Variants in CUBN observed in about 807,000 individuals in gnomAD.
CUBN encodes 460 kDa receptor.
Under a neutral mutation model 405.3 loss-of-function variants are expected in CUBN, and 282 were observed. The observed-to-expected ratio is 0.70, with a 90% confidence interval of 0.63 to 0.77. The LOEUF is 0.77. Among genes scored for constraint, CUBN ranks in the 30% least tolerant of loss-of-function variants. The pLI, the probability that CUBN is intolerant of heterozygous loss-of-function variation, is 0.00. For missense variants in CUBN, 4,514 were observed against 4,475.2 expected, an observed-to-expected ratio of 1.01 and a Z score of -0.25; for synonymous variants, 1,684 against 1,617.0, an observed-to-expected ratio of 1.04 and a Z score of -0.99.
At chr10:16,983,116 C>A (rs937345676) in intron 30 of CUBN, among the ~76,000 whole-genome samples, 1 of 152,062 alleles carries the variant, frequency 6.6e-6, no homozygotes, top group Non-Finnish European at 1.5e-5. Flanking sequence ...TTTAAAATTC[C>A]TTTGATGTTA....
rs76319705 is a variant in CUBN at position 17,117,997 on chromosome 10, C to T, written c.594-2400G>A. 5.4e-3 allele frequency among the ~76,000 whole-genome samples: 819 copies of T among 152,294 alleles called. 11 individuals carry two copies. Among genetic ancestry groups the T allele is most frequent in the African/African-American group, 0.019 (790 of 41,566 alleles). On this transcript the variant is annotated intron_variant, in intron 6 of 66. Coordinates refer to ENST00000377833, the MANE Select transcript of CUBN (RefSeq NM_001081.4). ...ATTGTCTTTATTTTATCACTAAGTG[C>T]TTAACTATTGCAAAATGACATAAGA...
At chr10:17,033,890 T>C (rs1407691043) in intron 27 of CUBN, among the ~76,000 whole-genome samples, 1 of 152,216 alleles carries the variant, frequency 6.6e-6, no homozygotes, top group Non-Finnish European at 1.5e-5. Context: ...TCGTGGTATA[T>C]GGAAAATGTT....
chr10:17,071,130 A>G (rs1465014779), intron 19 of CUBN, among the ~76,000 whole-genome samples: 1 of 152,208 alleles, frequency 6.6e-6, no homozygotes, highest in African/African-American at 2.4e-5. Context: ...TGAGGTGATC[A>G]TGGAGTTTTT....
intron 29 of CUBN, among the ~76,000 whole-genome samples, chr10:16,984,712 G>C (rs752071619): frequency 6.6e-6 from 1 of 152,188 alleles, no homozygotes; most frequent in African/African-American, 2.4e-5. Flanking sequence ...TGGCACATAT[G>C]ATTAGTCTTA....
Position 16,824,910 on chromosome 10 carries a change from A to C in CUBN, c.*65T>G. The C allele has an allele frequency of 9.0e-7, 1 of 1,111,982 alleles. No homozygotes were observed. The highest frequency in any genetic ancestry group is 1.4e-6 in the Non-Finnish European group (1 of 726,706). 68.9% of individuals were successfully genotyped at this position (1,111,982 alleles called of 1,614,324 possible). On this transcript the variant is annotated 3_prime_UTR_variant, in exon 67 of 67. Coordinates refer to ENST00000377833, the MANE Select transcript of CUBN (RefSeq NM_001081.4). Reference sequence around the variant, plus strand: ...GCATCAGCAGGGGTCATGTATCAGGATGGCAGAGTGCTGTCCAGCGTGCTG... The same window carrying C: ...GCATCAGCAGGGGTCATGTATCAGGCTGGCAGAGTGCTGTCCAGCGTGCTG...
intron 52 of CUBN, 36 bp from the exon 53 acceptor site, chr10:16,900,886 T>C (rs1447593277): frequency 1.5e-6 from 2 of 1,377,230 alleles, no homozygotes; most frequent in Non-Finnish European, 2.1e-6. Flanking sequence ...GTCAGTGAGC[T>C]TTTATCAACT....
At chr10:16,936,879 G>C (rs1246055179) in intron 39 of CUBN, among the ~76,000 whole-genome samples, 1 of 152,028 alleles carries the variant, frequency 6.6e-6, no homozygotes, top group Non-Finnish European at 1.5e-5. Context: ...ACCACGCCCA[G>C]CTAATTTTTG....
chr10:16,882,724 G>A (rs1409278477), intron 56 of CUBN, among the ~76,000 whole-genome samples: 6 of 152,098 alleles, frequency 3.9e-5, no homozygotes, highest in Admixed American at 6.6e-5. Flanking sequence ...ATAGAAATGG[G>A]TTCTAGGGGC....
At position 17,045,119 on chromosome 10, in the gene CUBN, T is replaced by C. The variant is rs1835098416; in HGVS notation, c.3560A>G (p.His1187Arg). 6.2e-7 allele frequency: 1 copy of C among 1,613,942 alleles called. No individual in the cohort carries two copies. The highest frequency in any genetic ancestry group is 8.5e-7 in the Non-Finnish European group (1 of 1,179,982). ...ISPNYPMPYY[H>R]SSECYWWLKS... ...CAACCACCAGTAGCATTCAGAGCTG[T>C]GGTAATAGGGCATCGGGTAGTTGGG... Residue 1187 changes from histidine to arginine, a missense_variant, in exon 25 of 67, where the codon CAC (histidine) becomes CGC (arginine). Transcript: ENST00000377833.
chr10:17,129,618 C>A (rs911530508), intron 1 of CUBN, 26 bp downstream of exon 1: 2 of 1,614,108 alleles, frequency 1.2e-6, no homozygotes, highest in African/African-American at 1.3e-5. Flanking sequence ...AGTCCCTGAG[C>A]AGGAATGACC....
chr10:16,983,349 A>G (rs2131699096), intron 30 of CUBN, among the ~76,000 whole-genome samples: 1 of 152,244 alleles, frequency 6.6e-6, no homozygotes, highest in African/African-American at 2.4e-5. Flanking sequence ...TACCTTGGTT[A>G]TGATAGAGTT....
At chr10:16,983,568 A>G (rs1248863160) in intron 30 of CUBN, among the ~76,000 whole-genome samples, 1 of 152,242 alleles carries the variant, frequency 6.6e-6, no homozygotes, top group Admixed American at 6.5e-5. Flanking sequence ...GTACACAGTA[A>G]GCATTCTGCA....
chr10:16,852,705 T>A (rs1434879788), intron 59 of CUBN, among the ~76,000 whole-genome samples: 4 of 152,162 alleles, frequency 2.6e-5, no homozygotes, highest in Non-Finnish European at 2.9e-5. Context: ...TTATACAAAA[T>A]CAAGTACTTT....
At chr10:16,995,049 G>A (rs1324976885) in intron 28 of CUBN, among the ~76,000 whole-genome samples, 1 of 152,122 alleles carries the variant, frequency 6.6e-6, no homozygotes, top group African/African-American at 2.4e-5. Flanking sequence ...CGAGATCACA[G>A]CACTGCTCTC....
intron 39 of CUBN, 45 bp downstream of exon 39, chr10:16,937,547 G>C (rs1209929206): frequency 4.6e-6 from 7 of 1,526,824 alleles, no homozygotes; most frequent in Non-Finnish European, 6.3e-6. Flanking sequence ...ACATTGGCCT[G>C]CACATATCAG....
intron 57 of CUBN, 104 bp downstream of exon 57, chr10:16,876,793 C>A: frequency 4.0e-6 from 4 of 996,718 alleles, no homozygotes; most frequent in Non-Finnish European, 6.3e-6. Context: ...CCCTTAAATT[C>A]TCTGAATCTT....
chr10:17,127,373 C>G (rs1287909124), intron 3 of CUBN, among the ~76,000 whole-genome samples: 1 of 150,644 alleles, frequency 6.6e-6, no homozygotes, highest in African/African-American at 2.4e-5. Context: ...TCAAGCCATC[C>G]TCCCACTTCA....
In CUBN at chr10:17,113,211, G is replaced by T. The variant is rs755390497; in HGVS notation, c.883+816C>A. On this transcript the variant is annotated intron_variant, in intron 8 of 66. Transcript: ENST00000377833. The stretch of plus-strand genomic sequence containing the variant: ...ACCCAGGAGGTGGAGGTTGCAGTGA[G>T]CTGAGATCATGCCACTGTACTCCAG... Among the ~76,000 whole-genome samples the T allele has an allele frequency of 1.4e-3, 219 of 152,192 alleles. 1 individual carries two copies. The highest frequency in any genetic ancestry group is 1.3e-3 in the Non-Finnish European group (86 of 68,038).
chr10:16,904,860 G>A (rs1234093907), intron 50 of CUBN, among the ~76,000 whole-genome samples: 2 of 152,192 alleles, frequency 1.3e-5, no homozygotes, highest in African/African-American at 4.8e-5. Context: ...GAGGGGGTGA[G>A]GGTTTATCAG....
Sources: allele counts gnomAD v4.1 joint callset (sites outside exome capture counted in the v4.1 genomes callset), GRCh38; gene constraint gnomAD v4.1.1; transcripts MANE v1.5; gene names NCBI Gene and HGNC (gene_info 2026-07-23, HGNC 2026-07-21).